NCOA7: variants seen among roughly 807,000 people sequenced by gnomAD.
NCOA7 encodes nuclear receptor coactivator 7.
NCOA7 carries 45 observed loss-of-function variants against 104.3 expected under a neutral mutation model. The ratio of observed to expected loss-of-function variants is 0.43; its 90% CI spans 0.34 to 0.55. NCOA7 has a LOEUF of 0.55. Ranked by LOEUF, NCOA7 falls within the 20% of genes least tolerant of loss-of-function variation. NCOA7 has a pLI of 0.02. For missense variants in NCOA7, 1,041 were observed against 1,119.7 expected (o/e 0.93, Z 1.00); for synonymous variants, 398 against 402.3 (o/e 0.99, Z 0.13).
At chr6:125,927,443 A>G (rs371274233) in intron 13 of NCOA7, among the ~76,000 whole-genome samples, 4 of 152,184 alleles carry the variant, frequency 2.6e-5, no homozygotes, top group African/African-American at 9.7e-5. Flanking sequence ...TGTCAGATGA[A>G]TTTTGCGTGC....
At chr6:125,900,212 A>T (rs1785381316) in intron 10 of NCOA7, among the ~76,000 whole-genome samples, 1 of 152,158 alleles carries the variant, frequency 6.6e-6, no homozygotes, top group Non-Finnish European at 1.5e-5. Context: ...CATCTTTTTC[A>T]AAAAGGAAGC....
rs1171932462 is a variant in NCOA7, at chr6:125,885,357, T to G, written c.884+14T>G. ...TGCCTTGCCATCGTAAGACATTTATTTGTTTACCAGGAAAAAAGGGGTGTT... is the reference window on the plus strand; with the variant it reads ...TGCCTTGCCATCGTAAGACATTTATGTGTTTACCAGGAAAAAAGGGGTGTT... On this transcript the variant is annotated intron_variant, in intron 8 of 15. Transcript: ENST00000392477. The G allele has an allele frequency of 1.2e-6, 2 of 1,610,940 alleles. No individual in the cohort carries two copies. The highest frequency in any genetic ancestry group is 2.7e-5 in the African/African-American group (2 of 74,828).
chr6:125,821,485 G>A (rs1248831158), intron 2 of NCOA7, among the ~76,000 whole-genome samples: 1 of 152,052 alleles, frequency 6.6e-6, no homozygotes, highest in Non-Finnish European at 1.5e-5. Context: ...CTCACAGTGT[G>A]GGTTGCATAG....
At chr6:125,800,904 G>C (rs1333420292) in intron 1 of NCOA7, among the ~76,000 whole-genome samples, 1 of 152,212 alleles carries the variant, frequency 6.6e-6, no homozygotes, top group African/African-American at 2.4e-5. Flanking sequence ...GCACGCGCCT[G>C]TAATCCCAGC....
In NCOA7 at chr6:125,878,318, A is replaced by G. The variant is rs1290494178; in HGVS notation, c.407A>G (p.Asn136Ser). The G allele has an allele frequency of 1.2e-6, 2 of 1,612,886 alleles. No homozygotes were observed. Among genetic ancestry groups the G allele is most frequent in the African/African-American group, 1.3e-5 (1 of 74,892 alleles). The change falls in exon 5 of 16, where the codon AAT becomes AGT. Residue 136 changes from asparagine (N) to serine (S), a missense_variant. Around this residue, in one of 2 missense-constraint regions of NCOA7, gnomAD observed 914 missense variants for 942.7 expected, o/e 0.97. Transcript: ENST00000392477. ...SIALKFNITP[N>S]KLVELNKLFT... ...GCACTGAAATTTAACATCACTCCCA[A>G]TAAATTGGTGGAACTGAATAAACTT...
chr6:125,827,503 C>T (rs953296272), intron 2 of NCOA7, among the ~76,000 whole-genome samples: 1 of 152,128 alleles, frequency 6.6e-6, no homozygotes, highest in African/African-American at 2.4e-5. Context: ...AGCAACAAGA[C>T]ATCATAAAAG....
rs1037953232 is a variant in NCOA7, at chr6:125,931,244, C to T, written c.*2473C>T. 6.6e-6 allele frequency: 1 copy of T among 152,094 alleles called. No homozygotes were observed. Among genetic ancestry groups the T allele is most frequent in the Non-Finnish European group, 1.5e-5 (1 of 68,022 alleles). 9.4% of individuals were successfully genotyped at this position (152,094 alleles called of 1,614,324 possible). A position where few individuals can be genotyped will look rare whatever the true frequency, so the allele number is the denominator to read the frequency against. ...GTTTTCACTGCTGCCCTGGAAACTC[C>T]CTCTTCATTCCCTGTAGCCACCCTC... On this transcript the variant is annotated 3_prime_UTR_variant, in exon 16 of 16. Transcript: ENST00000392477.
At chr6:125,905,253 ATTTTTT>A (rs375646356) in intron 10 of NCOA7, among the ~76,000 whole-genome samples, 2 of 131,600 alleles carry the variant, frequency 1.5e-5, no homozygotes, top group East Asian at 4.4e-4. Context: ...AAGGAATAAG[ATTTTTT>A]TTTTTTTTTT....
At chr6:125,838,499 C>T (rs1179793421) in intron 2 of NCOA7, among the ~76,000 whole-genome samples, 1 of 152,156 alleles carries the variant, frequency 6.6e-6, no homozygotes, top group East Asian at 1.9e-4. Flanking sequence ...TGAAAGACAG[C>T]TTTGCAGGGG....
chr6:125,848,508 A>G (rs1267263971), intron 2 of NCOA7, among the ~76,000 whole-genome samples: 1 of 152,166 alleles, frequency 6.6e-6, no homozygotes, highest in Non-Finnish European at 1.5e-5. Context: ...CAGGGACATG[A>G]ATGAAGCTGG....
chr6:125,804,924 G>A (rs1183288430), intron 1 of NCOA7, among the ~76,000 whole-genome samples: 1 of 151,910 alleles, frequency 6.6e-6, no homozygotes, highest in Non-Finnish European at 1.5e-5. Context: ...GTGCTTTCCG[G>A]TTAGCTCTTT....
In NCOA7 at chr6:125,890,578, T is replaced by G. The variant is rs1784554068; in HGVS notation, c.1928-64T>G. On this transcript the variant is annotated intron_variant, in intron 9 of 15. Transcript: ENST00000392477. ...GGATTGTGCACTATTTTTTTTAAGT[T>G]GAAAAATTCTGCTATTACCAATATT... The G allele has an allele frequency of 5.3e-5, 78 of 1,476,986 alleles. 2 individuals are homozygous for G. In the South Asian group the frequency reaches 1.0e-3, roughly 19 times the overall value. 91.5% of individuals were successfully genotyped at this position (1,476,986 alleles called of 1,614,324 possible).
At chr6:125,797,565 C>T (rs79689046) in intron 1 of NCOA7, among the ~76,000 whole-genome samples, 43 of 152,272 alleles carry the variant, frequency 2.8e-4, no homozygotes, top group Non-Finnish European at 5.1e-4. Flanking sequence ...TGATTCTGGC[C>T]TCGCTACACA....
intron 5 of NCOA7, among the ~76,000 whole-genome samples, chr6:125,879,785 TC>T (rs1783671816): frequency 6.6e-6 from 1 of 151,976 alleles, no homozygotes; most frequent in African/African-American, 2.4e-5. Context: ...TCACTTGAGG[TC>T]AGGACTTCAA....
chr6:125,789,541 A>G (rs902322977), upstream of NCOA7, among the ~76,000 whole-genome samples: 1 of 152,216 alleles, frequency 6.6e-6, no homozygotes, highest in Non-Finnish European at 1.5e-5. Flanking sequence ...TTAGGAACCT[A>G]ATTTTCCCTT....
chr6:125,845,577 C>A (rs184470131), intron 2 of NCOA7, among the ~76,000 whole-genome samples: 165 of 152,210 alleles, frequency 1.1e-3, no homozygotes, highest in Admixed American at 3.8e-3. Context: ...AAGTAGAGAC[C>A]ATCCTGGTCA....
Position 125,929,024 on chromosome 6 carries a change from A to G in NCOA7, c.*253A>G, listed in dbSNP as rs912911791. The G allele has an allele frequency of 5.5e-6, 2 of 364,822 alleles. No individual in the cohort carries two copies. The highest frequency in any genetic ancestry group is 4.7e-5 in the East Asian group (1 of 21,316). The allele number at this position is 364,822 out of a possible 1,614,324, so 22.6% of individuals were successfully genotyped here. The stretch of plus-strand genomic sequence containing the variant: ...GTACTCCCACTTCCTCCAAATCCAT[A>G]CAGTGAGGAATCAGAGTGTTTATAG... On this transcript the variant is annotated 3_prime_UTR_variant, in exon 16 of 16. Transcript: ENST00000392477.
chr6:125,864,020 T>TG lies in NCOA7; in HGVS notation c.271+8780_271+8781insG, dbSNP rs1293753044. Among the ~76,000 whole-genome samples the TG allele has an allele frequency of 6.2e-4, 80 of 129,740 alleles. 18 individuals carry two copies. Among genetic ancestry groups the TG allele is most frequent in the African/African-American group, 2.5e-3 (75 of 29,606 alleles). 85.1% of individuals were successfully genotyped at this position (129,740 alleles called of 152,430 possible). A position where few individuals can be genotyped will look rare whatever the true frequency, so the allele number is the denominator to read the frequency against. Reference sequence around the variant, plus strand: ...TGAAGAGTGATGTGGTCAGGTTTTTTTGGGGGGGGCAGTTTGGCTGTTTTT... The same window carrying TG: ...TGAAGAGTGATGTGGTCAGGTTTTTTGTGGGGGGGGCAGTTTGGCTGTTTTT... On this transcript the variant is annotated intron_variant, in intron 3 of 15. Transcript: ENST00000392477.
chr6:125,908,686 A>G (rs753873019), intron 10 of NCOA7, among the ~76,000 whole-genome samples: 1 of 152,214 alleles, frequency 6.6e-6, no homozygotes, highest in Non-Finnish European at 1.5e-5. Context: ...AGTGGTCTTC[A>G]TCAAACAGGG....
Sources: allele counts gnomAD v4.1 joint callset (sites outside exome capture counted in the v4.1 genomes callset), GRCh38; gene constraint gnomAD v4.1.1; regional missense constraint gnomAD v4.1.1; transcripts MANE v1.5; gene names NCBI Gene and HGNC (gene_info 2026-07-23, HGNC 2026-07-21).